Variants in KCTD8 observed in about 807,000 individuals in gnomAD.
The protein encoded by KCTD8 is BTB/POZ domain-containing protein KCTD8.
A neutral mutation model predicts 31.5 loss-of-function variants in KCTD8; 27 were observed. The ratio of observed to expected loss-of-function variants is 0.86; its 90% CI spans 0.63 to 1.18. KCTD8 has a LOEUF of 1.18. Ranked by LOEUF, KCTD8 falls within the 50% of genes most tolerant of loss-of-function variation. The pLI, the probability that KCTD8 is intolerant of heterozygous loss-of-function variation, is 0.00. For missense variants in KCTD8, 658 were observed against 647.7 expected, an observed-to-expected ratio of 1.02 and a Z score of -0.17; for synonymous variants, 290 against 280.0, an observed-to-expected ratio of 1.04 and a Z score of -0.36.
intron 1 of KCTD8, among the ~76,000 whole-genome samples, chr4:44,376,887 G>A (rs779422363): frequency 2.0e-5 from 3 of 152,058 alleles, no homozygotes; most frequent in Non-Finnish European, 2.9e-5. Context: ...AGCAGCAAGC[G>A]GCATGGAAAG....
rs780746325 is a variant in KCTD8, at chr4:44,448,296, G to A, written c.228C>T (p.Pro76=). 10 of 1,607,558 alleles carry A rather than the reference G, an allele frequency of 6.2e-6. No individual in the cohort carries two copies. In the East Asian group the frequency reaches 9.0e-5, roughly 14 times the overall value. Residue 76 remains proline (P), a synonymous_variant, in exon 1 of 2, where the codon CCC becomes CCT. Transcript: ENST00000360029. This position sits in a 1 kb window ranked among gnomAD's most constrained non-coding sequence, Gnocchi z 4.1. The part of the protein sequence containing the change: ...PDSTLASMFS[P]SSPRGGARRR... ...GCCGGGCGCCGCCACGGGGACTAGA[G>A]GGCGAGAACATGCTGGCCAAAGTAC...
chr4:44,214,308 C>T (rs1211232130), intron 1 of KCTD8, among the ~76,000 whole-genome samples: 1 of 152,162 alleles, frequency 6.6e-6, no homozygotes, highest in Non-Finnish European at 1.5e-5. Context: ...ATTTGTTTCT[C>T]CCCTACACAT....
chr4:44,199,088 C>T (rs936382885), intron 1 of KCTD8, among the ~76,000 whole-genome samples: 5 of 152,110 alleles, frequency 3.3e-5, no homozygotes, highest in Non-Finnish European at 1.5e-5. Flanking sequence ...TTCACTTCAA[C>T]TAGAAGACTT....
chr4:44,239,177 A>G (rs1387592745), intron 1 of KCTD8, among the ~76,000 whole-genome samples: 1 of 152,218 alleles, frequency 6.6e-6, no homozygotes, highest in East Asian at 1.9e-4. Flanking sequence ...CGAAAGCACA[A>G]TTCAAATCTA....
chr4:44,179,344 G>T (rs1231221890), intron 1 of KCTD8, among the ~76,000 whole-genome samples: 1 of 151,558 alleles, frequency 6.6e-6, no homozygotes, highest in East Asian at 1.9e-4. Flanking sequence ...GGATATTTTA[G>T]AATATCTCTT....
chr4:44,395,977 T>C (rs1720495392), intron 1 of KCTD8, among the ~76,000 whole-genome samples: 1 of 152,164 alleles, frequency 6.6e-6, no homozygotes, highest in Non-Finnish European at 1.5e-5. Context: ...TTTCTATTAT[T>C]GTACACTTTA....
intron 1 of KCTD8, among the ~76,000 whole-genome samples, chr4:44,329,842 A>T (rs1718549077): frequency 6.6e-6 from 1 of 151,998 alleles, no homozygotes; most frequent in African/African-American, 2.4e-5. Context: ...CATAAAATTT[A>T]AATATCTATT....
At chr4:44,335,035 A>G (rs1251869852) in intron 1 of KCTD8, among the ~76,000 whole-genome samples, 1 of 152,150 alleles carries the variant, frequency 6.6e-6, no homozygotes, top group African/African-American at 2.4e-5. Flanking sequence ...AAAGGAGTCA[A>G]ATGGACAATT....
chr4:44,290,030 C>T (rs774726032), intron 1 of KCTD8, among the ~76,000 whole-genome samples: 1 of 152,042 alleles, frequency 6.6e-6, no homozygotes, highest in East Asian at 1.9e-4. Flanking sequence ...GAAGTTGGAT[C>T]AGAAGACAAG....
Position 44,448,160 on chromosome 4 carries a change from C to A in KCTD8, c.364G>T (p.Glu122Ter), listed in dbSNP as rs778642107. 2 of 1,612,414 alleles carry A rather than the reference C, an allele frequency of 1.2e-6. No homozygotes were observed. Among genetic ancestry groups the A allele is most frequent in the Non-Finnish European group, 8.5e-7 (1 of 1,179,772 alleles). The change falls in exon 1 of 2, where the codon GAG (glutamate) becomes TAG (stop). Residue 122 changes from glutamate to a stop codon, truncating the protein, a stop_gained. Coordinates refer to ENST00000360029, the MANE Select transcript of KCTD8 (RefSeq NM_198353.3). LOFTEE classifies it high-confidence loss of function. This position sits in a 1 kb window ranked among gnomAD's most constrained non-coding sequence, Gnocchi z 4.1. ...AGCCGCTCCTTCTCGGGGAAGTGCT[C>A]CGGCAGCGCGAGTTGCTTGTCCCGC... is the stretch of plus-strand genomic sequence containing the variant. ...YLRDKQLALP[E>*]HFPEKERLLR...
At chr4:44,275,630 A>C (rs956497541) in intron 1 of KCTD8, among the ~76,000 whole-genome samples, 2 of 152,120 alleles carry the variant, frequency 1.3e-5, no homozygotes, top group African/African-American at 4.8e-5. Context: ...ACTAAACTAC[A>C]AAGTATAATC....
At chr4:44,273,588 A>G (rs975029030) in intron 1 of KCTD8, among the ~76,000 whole-genome samples, 25 of 151,938 alleles carry the variant, frequency 1.6e-4, no homozygotes, top group Non-Finnish European at 3.4e-4. Context: ...CCTAAATTCA[A>G]AAGAAAAATT....
At chr4:44,178,651 C>A (rs1161859043) in intron 1 of KCTD8, among the ~76,000 whole-genome samples, 1 of 151,906 alleles carries the variant, frequency 6.6e-6, no homozygotes, top group African/African-American at 2.4e-5. Context: ...TGTTTATTGG[C>A]AGGGCAACAG....
chr4:44,386,799 A>T (rs542085780), intron 1 of KCTD8, among the ~76,000 whole-genome samples: 1 of 151,852 alleles, frequency 6.6e-6, no homozygotes, highest in Admixed American at 6.6e-5. Context: ...CGGCACTCCT[A>T]TGTTTAATGC....
chr4:44,369,945 G>T (rs927829932), intron 1 of KCTD8, among the ~76,000 whole-genome samples: 1 of 151,922 alleles, frequency 6.6e-6, no homozygotes, highest in African/African-American at 2.4e-5. Flanking sequence ...GAATTTTACT[G>T]TAATTTACCT....
intron 1 of KCTD8, among the ~76,000 whole-genome samples, chr4:44,228,453 A>G (rs1284507620): frequency 2.6e-5 from 4 of 152,222 alleles, no homozygotes; most frequent in African/African-American, 4.8e-5. Flanking sequence ...GGACTTTAAC[A>G]TATGAATTTG....
At chr4:44,399,975 C>T (rs1281968787) in intron 1 of KCTD8, among the ~76,000 whole-genome samples, 1 of 152,132 alleles carries the variant, frequency 6.6e-6, no homozygotes, top group East Asian at 1.9e-4. Flanking sequence ...TTCTTTAATT[C>T]ATTTTTTCTG....
intron 1 of KCTD8, among the ~76,000 whole-genome samples, chr4:44,446,140 T>C (rs922416295): frequency 6.6e-6 from 1 of 152,222 alleles, no homozygotes; most frequent in African/African-American, 2.4e-5. Flanking sequence ...CTGTGTGCTG[T>C]GGTTTGTCAC....
At chr4:44,446,709 T>A (rs1263712405) in intron 1 of KCTD8, among the ~76,000 whole-genome samples, 1 of 152,194 alleles carries the variant, frequency 6.6e-6, no homozygotes, top group African/African-American at 2.4e-5. Context: ...CCTGAGAAAG[T>A]GGACTCAACC....
Sources: gnomAD v4.1 joint callset for allele counts (sites outside exome capture counted in the v4.1 genomes callset) on GRCh38, gnomAD v4.1.1 for gene constraint, Gnocchi (gnomAD v3.1) non-coding constraint, MANE v1.5 for transcripts, NCBI Gene and HGNC (gene_info 2026-07-23, HGNC 2026-07-21) for gene names.